Variants in RANBP2 observed in about 807,000 individuals in gnomAD.
The protein encoded by RANBP2 is E3 SUMO-protein ligase RanBP2.
RANBP2 carries 57 observed loss-of-function variants against 303.6 expected under a neutral mutation model. That is an observed-to-expected ratio of 0.19 (90% CI 0.15 to 0.23). RANBP2 has a LOEUF of 0.23. Ranked by LOEUF, RANBP2 falls within the 10% of genes least tolerant of loss-of-function variation. RANBP2 has a pLI of 1.00. For synonymous variants in RANBP2, 1,167 were observed against 1,301.5 expected (o/e 0.90, Z 2.23); for missense variants, 3,138 against 3,780.8 (o/e 0.83, Z 4.46).
At chr2:109,552,857 G>T in the RANBP2 span, 4 of 425,090 alleles carry the variant, frequency 9.4e-6, no homozygotes, top group Non-Finnish European at 1.2e-5. Context: ...GAATTTCAAC[G>T]ATTAGTGACT....
chr2:109,127,784 G>A, the RANBP2 span: 1 of 152,216 alleles, frequency 6.6e-6, no homozygotes, highest in Non-Finnish European at 1.5e-5. Flanking sequence ...AAGAGTTTGA[G>A]GCTGCAGTGA....
chr2:109,220,815 G>C, the RANBP2 span, among the ~76,000 whole-genome samples: 1 of 152,194 alleles, frequency 6.6e-6, no homozygotes, highest in African/African-American at 2.4e-5. Flanking sequence ...CATATAAAAT[G>C]GTACAGCTGC....
the RANBP2 span, among the ~76,000 whole-genome samples, chr2:109,512,400 C>T: frequency 4.6e-5 from 7 of 152,154 alleles, no homozygotes; most frequent in African/African-American, 7.2e-5. Context: ...CTGTGGCCTC[C>T]GCCACCCTCC....
chr2:109,279,750 C>T, the RANBP2 span, among the ~76,000 whole-genome samples: 20 of 82,590 alleles, frequency 2.4e-4, 1 homozygote, highest in Admixed American at 1.0e-3. Context: ...GGAGCAGTGA[C>T]GCGAAACTTC....
At chr2:109,760,966 C>T in the RANBP2 span, among the ~76,000 whole-genome samples, 1 of 130,936 alleles carries the variant, frequency 7.6e-6, no homozygotes, top group Non-Finnish European at 1.6e-5. Flanking sequence ...TGTCTGTTTC[C>T]CCCTCTCCTG....
the RANBP2 span, among the ~76,000 whole-genome samples, chr2:109,628,537 A>AATAAATAG: frequency 2.7e-5 from 4 of 147,264 alleles, no homozygotes; most frequent in African/African-American, 7.5e-5. Context: ...TAAATAAATA[A>AATAAATAG]ATAGATTCCC....
the RANBP2 span, among the ~76,000 whole-genome samples, chr2:109,300,799 A>C: frequency 6.6e-6 from 1 of 152,216 alleles, no homozygotes; most frequent in South Asian, 2.1e-4. Context: ...AGTGAGTGTC[A>C]TCACCTAGAG....
chr2:109,406,094 G>A, the RANBP2 span, among the ~76,000 whole-genome samples: 42 of 152,292 alleles, frequency 2.8e-4, no homozygotes, highest in East Asian at 6.0e-3. Context: ...CAGATGGCCC[G>A]TCCTGCTCAT....
At chr2:108,749,324 T>C (rs1193101532) in intron 9 of RANBP2, among the ~76,000 whole-genome samples, 195 bp downstream of exon 9, 1 of 152,098 alleles carries the variant, frequency 6.6e-6, no homozygotes, top group African/African-American at 2.4e-5. Flanking sequence ...TAAGACCAAG[T>C]TTTGCTCTTG....
At chr2:109,681,118 T>C in the RANBP2 span, among the ~76,000 whole-genome samples, 120 of 152,324 alleles carry the variant, frequency 7.9e-4, no homozygotes, top group African/African-American at 2.8e-3. Flanking sequence ...TGCAGTCTTC[T>C]CGATGCGGAG....
the RANBP2 span, chr2:109,501,430 G>A: frequency 1.5e-6 from 1 of 670,644 alleles, no homozygotes. Context: ...TTACACCGAG[G>A]GAAGAAGAGA....
chr2:109,614,232 T>C, the RANBP2 span: 2 of 833,872 alleles, frequency 2.4e-6, no homozygotes, highest in Non-Finnish European at 3.1e-6. Flanking sequence ...GAGGCCGCCC[T>C]AGGTAGGTGT....
the RANBP2 span, among the ~76,000 whole-genome samples, chr2:109,331,090 A>G: frequency 1.3e-5 from 2 of 152,218 alleles, no homozygotes; most frequent in African/African-American, 4.8e-5. Flanking sequence ...TCCTTCCAGC[A>G]TAGCAGAAGC....
chr2:109,365,477 G>C, the RANBP2 span, among the ~76,000 whole-genome samples: 8 of 152,140 alleles, frequency 5.3e-5, no homozygotes, highest in Non-Finnish European at 7.3e-5. Flanking sequence ...TTCTCTTACA[G>C]ATCTAAGAAG....
chr2:108,949,940 T>G, the RANBP2 span, among the ~76,000 whole-genome samples: 7 of 152,194 alleles, frequency 4.6e-5, no homozygotes, highest in South Asian at 1.4e-3. Context: ...TTTCCTGAGG[T>G]TTTTGAAATA....
chr2:109,565,793 C>A, the RANBP2 span: 1 of 1,614,056 alleles, frequency 6.2e-7, no homozygotes, highest in Non-Finnish European at 8.5e-7. Flanking sequence ...TACTGGCGAG[C>A]TTTGACCATC....
At chr2:108,780,898 G>A (rs749661664) in intron 25 of RANBP2, among the ~76,000 whole-genome samples, 2 of 152,018 alleles carry the variant, frequency 1.3e-5, no homozygotes, top group African/African-American at 2.4e-5. Flanking sequence ...TAGTAGAGAC[G>A]GGGTTTCTCC....
At chr2:109,349,177 T>C in the RANBP2 span, among the ~76,000 whole-genome samples, 1 of 152,224 alleles carries the variant, frequency 6.6e-6, no homozygotes, top group East Asian at 1.9e-4. Context: ...GAGGTGGCAC[T>C]CTCTGGAGGG....
chr2:109,613,144 C>T, the RANBP2 span: 1 of 1,286,318 alleles, frequency 7.8e-7, no homozygotes, highest in Non-Finnish European at 1.0e-6. Flanking sequence ...ATGTACACGA[C>T]CTTGGTACTA....
Sources: allele counts gnomAD v4.1 joint callset (sites outside exome capture counted in the v4.1 genomes callset), GRCh38; gene constraint gnomAD v4.1.1; transcripts MANE v1.5; gene names NCBI Gene and HGNC (gene_info 2026-07-23, HGNC 2026-07-21).